ZFPM2: variants seen among roughly 807,000 people sequenced by gnomAD.
ZFPM2 encodes zinc finger protein ZFPM2.
Under a neutral mutation model 98.6 loss-of-function variants are expected in ZFPM2, and 20 were observed. That is an observed-to-expected ratio of 0.20 (90% CI 0.14 to 0.29). ZFPM2 has a LOEUF of 0.29. Among genes scored for constraint, ZFPM2 ranks in the 10% least tolerant of loss-of-function variants. The pLI, the probability that ZFPM2 is intolerant of heterozygous loss-of-function variation, is 1.00. For missense variants in ZFPM2, 1,310 were observed against 1,388.6 expected, an observed-to-expected ratio of 0.94 and a Z score of 0.90; for synonymous variants, 518 against 502.7, an observed-to-expected ratio of 1.03 and a Z score of -0.41.
chr8:105,656,595 G>A (rs1817290366), intron 5 of ZFPM2, among the ~76,000 whole-genome samples: 1 of 152,066 alleles, frequency 6.6e-6, no homozygotes, highest in African/African-American at 2.4e-5. Flanking sequence ...AGAGAGGAGG[G>A]GTAAATCTGC....
intron 1 of ZFPM2, among the ~76,000 whole-genome samples, chr8:105,348,500 A>G (rs1468458416): frequency 3.3e-5 from 5 of 152,218 alleles, no homozygotes; most frequent in Non-Finnish European, 7.3e-5. Flanking sequence ...CCTATTGATT[A>G]TATTGCTGTT....
At chr8:105,526,839 A>G (rs1814184108) in intron 3 of ZFPM2, among the ~76,000 whole-genome samples, 1 of 152,180 alleles carries the variant, frequency 6.6e-6, no homozygotes, top group African/African-American at 2.4e-5. Context: ...GTAAATTCAT[A>G]GCTGGGCATG....
At chr8:105,634,584 A>G (rs1816813179) in intron 5 of ZFPM2, among the ~76,000 whole-genome samples, 1 of 148,026 alleles carries the variant, frequency 6.8e-6, no homozygotes, top group Non-Finnish European at 1.5e-5. Flanking sequence ...TTAGTGCCTT[A>G]TACATTTACC....
intron 3 of ZFPM2, among the ~76,000 whole-genome samples, chr8:105,485,277 TG>T (rs1813207975): frequency 6.6e-6 from 1 of 152,038 alleles, no homozygotes; most frequent in Non-Finnish European, 1.5e-5. Context: ...GAGAGGTTAC[TG>T]GTTACTGCTT....
chr8:105,490,063 A>G (rs1284151468), intron 3 of ZFPM2, among the ~76,000 whole-genome samples: 21 of 151,974 alleles, frequency 1.4e-4, no homozygotes, highest in Non-Finnish European at 1.2e-4. Flanking sequence ...CCCGACCAAC[A>G]TGGTGAAACC....
intron 1 of ZFPM2, among the ~76,000 whole-genome samples, chr8:105,405,693 G>T (rs1279354911): frequency 6.6e-6 from 1 of 151,886 alleles, no homozygotes; most frequent in African/African-American, 2.4e-5. Flanking sequence ...TGGACATTTG[G>T]GTTGGTTCCA....
At chr8:105,553,681 A>G (rs761158484) in intron 3 of ZFPM2, among the ~76,000 whole-genome samples, 1 of 152,184 alleles carries the variant, frequency 6.6e-6, no homozygotes, top group Non-Finnish European at 1.5e-5. Flanking sequence ...TGCCCCCAGC[A>G]CTTACCTAGG....
At chr8:105,498,898 G>T (rs968556039) in intron 3 of ZFPM2, among the ~76,000 whole-genome samples, 9 of 152,186 alleles carry the variant, frequency 5.9e-5, no homozygotes, top group African/African-American at 2.2e-4. Flanking sequence ...TCTGTCTCAT[G>T]GGAGCTGCAT....
chr8:105,489,422 T>C (rs1232519224), intron 3 of ZFPM2, among the ~76,000 whole-genome samples: 1 of 145,516 alleles, frequency 6.9e-6, no homozygotes, highest in Non-Finnish European at 1.5e-5. Flanking sequence ...GATATATCTT[T>C]TATATATATT....
At chr8:105,402,555 A>C (rs1263925755) in intron 1 of ZFPM2, among the ~76,000 whole-genome samples, 1 of 151,966 alleles carries the variant, frequency 6.6e-6, no homozygotes, top group Non-Finnish European at 1.5e-5. Flanking sequence ...GCTTCTTTTC[A>C]GCCCCACTTC....
intron 5 of ZFPM2, among the ~76,000 whole-genome samples, chr8:105,752,627 TA>T (rs1378370540): frequency 5.3e-5 from 8 of 152,152 alleles, no homozygotes; most frequent in Non-Finnish European, 1.2e-4. Flanking sequence ...AAACAAACAA[TA>T]CTTAATCTGT....
chr8:105,517,707 C>CACCACACACACACACACACACACACACA lies in ZFPM2; in HGVS notation c.302-43656_302-43655insACCACACACACACACACACACACACACA, dbSNP rs61552974. Among the ~76,000 whole-genome samples the CACCACACACACACACACACACACACACA allele has an allele frequency of 2.3e-3, 292 of 124,930 alleles. 2 individuals carry two copies. The highest frequency in any genetic ancestry group is 6.1e-3 in the African/African-American group (183 of 30,156). 82.0% of individuals were successfully genotyped at this position (124,930 alleles called of 152,430 possible). A position where few individuals can be genotyped will look rare whatever the true frequency, so the allele number is the denominator to read the frequency against. ...CACACACACACCACACACACACACA[C>CACCACACACACACACACACACACACACA]CACACACACACACACACACACACAC... On this transcript the variant is annotated intron_variant, in intron 3 of 7. Coordinates refer to ENST00000407775, the MANE Select transcript of ZFPM2 (RefSeq NM_012082.4).
At chr8:105,578,569 A>G (rs1279009261) in intron 4 of ZFPM2, among the ~76,000 whole-genome samples, 1 of 152,116 alleles carries the variant, frequency 6.6e-6, no homozygotes, top group Non-Finnish European at 1.5e-5. Flanking sequence ...TACATAATTC[A>G]TGTTGACCAA....
At chr8:105,660,727 T>G (rs2130885566) in intron 5 of ZFPM2, among the ~76,000 whole-genome samples, 2 of 152,362 alleles carry the variant, frequency 1.3e-5, no homozygotes, top group Middle Eastern at 6.8e-3. Context: ...AGCTCCACAT[T>G]AAAGTATTGT....
chr8:105,405,135 T>G (rs2130001465), intron 1 of ZFPM2, among the ~76,000 whole-genome samples: 1 of 152,040 alleles, frequency 6.6e-6, no homozygotes, highest in South Asian at 2.1e-4. Context: ...TAGAGTCAAG[T>G]TTTCTATTGG....
intron 4 of ZFPM2, among the ~76,000 whole-genome samples, chr8:105,561,886 C>CTTT (rs933647084): frequency 2.0e-5 from 3 of 152,076 alleles, no homozygotes; most frequent in Non-Finnish European, 4.4e-5. Flanking sequence ...CTGTTTGTAC[C>CTTT]TTTAAAAGCA....
intron 2 of ZFPM2, among the ~76,000 whole-genome samples, chr8:105,421,789 AC>A (rs748606451): frequency 1.8e-4 from 27 of 152,214 alleles, no homozygotes; most frequent in South Asian, 4.1e-4. Context: ...CCGGTGACTC[AC>A]GCCTGTAATC....
At chr8:105,336,687 TCCACACACACA>T (rs1563609852) in intron 1 of ZFPM2, among the ~76,000 whole-genome samples, 1 of 84,910 alleles carries the variant, frequency 1.2e-5, no homozygotes, top group African/African-American at 5.2e-5. Flanking sequence ...TGTAATATAC[TCCACACACACA>T]CACACACACA....
intron 6 of ZFPM2, among the ~76,000 whole-genome samples, chr8:105,797,916 C>T (rs1451582363): frequency 6.6e-6 from 1 of 152,174 alleles, no homozygotes; most frequent in Non-Finnish European, 1.5e-5. Context: ...GTCCATCAAC[C>T]CAAGGAGACT....
Sources: gnomAD v4.1 joint callset for allele counts (sites outside exome capture counted in the v4.1 genomes callset) on GRCh38, gnomAD v4.1.1 for gene constraint, MANE v1.5 for transcripts, NCBI Gene and HGNC (gene_info 2026-07-23, HGNC 2026-07-21) for gene names.